Variants in ABCA12 observed in about 807,000 individuals in gnomAD.
ABCA12 encodes glucosylceramide transporter ABCA12.
ABCA12 carries 156 observed loss-of-function variants against 293.5 expected under a neutral mutation model. The ratio of observed to expected loss-of-function variants is 0.53; its 90% CI spans 0.47 to 0.61. The LOEUF (loss-of-function observed/expected upper bound fraction) is 0.61. ABCA12 is among the 20% of genes least tolerant of loss of function. The pLI, the probability that ABCA12 is intolerant of heterozygous loss-of-function variation, is 0.00. For missense variants in ABCA12, 2,797 were observed against 3,090.2 expected (o/e 0.91, Z 2.25); for synonymous variants, 1,063 against 1,108.0 (o/e 0.96, Z 0.81).
chr2:214,966,832 G>A lies in ABCA12; in HGVS notation c.5884+16C>T. The A allele has an allele frequency of 6.2e-7, 1 of 1,611,128 alleles. No homozygotes were observed. The highest frequency in any genetic ancestry group is 8.5e-7 in the Non-Finnish European group (1 of 1,177,406). ...AGAAGTTGCAATACAGGACACTTTT[G>A]TGTTAGTAACTTTACCATGTCGGGC... On this transcript the variant is annotated intron_variant, in intron 39 of 52. Transcript: ENST00000272895.
At chr2:214,945,846 A>G (rs1437207015) in intron 48 of ABCA12, among the ~76,000 whole-genome samples, 1 of 152,168 alleles carries the variant, frequency 6.6e-6, no homozygotes, top group Non-Finnish European at 1.5e-5. Flanking sequence ...AAATCTAAAG[A>G]AAGGAATGGG....
intron 19 of ABCA12, 63 bp from the exon 20 acceptor site, chr2:215,004,362 C>A: frequency 8.1e-7 from 1 of 1,239,144 alleles, no homozygotes; most frequent in Non-Finnish European, 1.2e-6. Context: ...CATTGTCTCT[C>A]TAATAACCAC....
rs1197917227 is a variant in ABCA12 at position 214,989,321 on chromosome 2, A to G, written c.3829+8T>C. 1.2e-6 allele frequency: 2 copies of G among 1,612,844 alleles called. No homozygotes were observed. Among genetic ancestry groups the G allele is most frequent in the Admixed American group, 1.7e-5 (1 of 59,864 alleles). ...AAAAGCATGTATCTGTAGGAAGCAC[A>G]TTCATACCTGGGAAGACATTCCTGA... On this transcript the variant is annotated splice_region_variant and intron_variant, in intron 26 of 52. Transcript: ENST00000272895.
chr2:215,132,598 T>C (rs558339677), intron 1 of ABCA12, among the ~76,000 whole-genome samples: 2 of 152,164 alleles, frequency 1.3e-5, no homozygotes, highest in East Asian at 3.9e-4. Flanking sequence ...ATATATCTTT[T>C]TCTACCTTTT....
At chr2:215,048,306 C>G (rs1189172820) in intron 6 of ABCA12, among the ~76,000 whole-genome samples, 1 of 152,024 alleles carries the variant, frequency 6.6e-6, no homozygotes, top group East Asian at 1.9e-4. Flanking sequence ...CCCAGTAATC[C>G]CATTACTGGG....
Position 215,010,386 on chromosome 2 carries a change from A to C in ABCA12, c.2417T>G (p.Leu806Trp), listed in dbSNP as rs147076551. 4.3e-6 allele frequency: 7 copies of C among 1,613,860 alleles called. No individual in the cohort carries two copies. The African/African-American group carries it at 6.7e-5, about 15-fold the overall frequency. The change falls in exon 18 of 53, where the codon TTG becomes TGG. Residue 806 changes from leucine to tryptophan, a missense_variant. Physicochemically the swap from Leu to Trp is moderately conservative, Grantham distance 61. Around this residue, in one of 3 missense-constraint regions of ABCA12, gnomAD observed 2,130 missense variants for 2,427.0 expected, o/e 0.88. Coordinates refer to ENST00000272895, the MANE Select transcript of ABCA12 (RefSeq NM_173076.3). ...ATATGGTGCATACAAAATTCTTCCC[A>C]ACAACATAGGTTTCAAGAAAGCCCA... is the stretch of plus-strand genomic sequence containing the variant. ...VIWAFLKPML[L>W]GRILYAPYNP...
At chr2:214,948,497 A>G in intron 47 of ABCA12, 99 bp downstream of exon 47, 1 of 1,312,926 alleles carries the variant, frequency 7.6e-7, no homozygotes, top group African/African-American at 1.5e-5. Context: ...TTTGAGGGGA[A>G]ATGGTGGGGC....
intron 37 of ABCA12, 83 bp from the exon 38 acceptor site, chr2:214,968,890 A>C: frequency 4.7e-6 from 6 of 1,268,646 alleles, no homozygotes; most frequent in Non-Finnish European, 6.9e-6. Flanking sequence ...CGAGGAGCTC[A>C]ACTTTTTGTT....
At chr2:214,942,244 C>T (rs1166453820) in intron 50 of ABCA12, among the ~76,000 whole-genome samples, 1 of 152,126 alleles carries the variant, frequency 6.6e-6, no homozygotes, top group Non-Finnish European at 1.5e-5. Flanking sequence ...AAAGAAGTCA[C>T]AACAGACTCT....
intron 23 of ABCA12, among the ~76,000 whole-genome samples, chr2:214,991,997 G>T (rs539284401): frequency 6.6e-6 from 1 of 152,074 alleles, no homozygotes; most frequent in South Asian, 2.1e-4. Context: ...AAACCTACAC[G>T]CTGTGCACAT....
intron 10 of ABCA12, among the ~76,000 whole-genome samples, chr2:215,026,288 C>CA (rs1018285824): frequency 7.3e-5 from 11 of 151,314 alleles, no homozygotes; most frequent in African/African-American, 1.7e-4. Flanking sequence ...TCTTTTCTCT[C>CA]AAAAAAAAGA....
intron 6 of ABCA12, among the ~76,000 whole-genome samples, chr2:215,047,212 A>G (rs1022557150): frequency 3.3e-5 from 5 of 152,218 alleles, no homozygotes; most frequent in Non-Finnish European, 5.9e-5. Flanking sequence ...TGTCCTACAC[A>G]TGTATCCTGG....
chr2:215,134,718 G>A (rs1421080440), intron 1 of ABCA12, among the ~76,000 whole-genome samples: 2 of 148,006 alleles, frequency 1.4e-5, no homozygotes, highest in African/African-American at 5.0e-5. Flanking sequence ...TTCAATCTAG[G>A]CTCACTGTAG....
At chr2:215,071,806 T>C (rs1701743111) in intron 2 of ABCA12, among the ~76,000 whole-genome samples, 1 of 152,220 alleles carries the variant, frequency 6.6e-6, no homozygotes, top group South Asian at 2.1e-4. Context: ...GGCTGTGGCT[T>C]CTCTGCTCGA....
intron 36 of ABCA12, among the ~76,000 whole-genome samples, chr2:214,972,333 G>A (rs1699403553): frequency 6.6e-6 from 1 of 152,094 alleles, no homozygotes; most frequent in Non-Finnish European, 1.5e-5. Context: ...TAAATAGTTG[G>A]AAATAGATTT....
chr2:215,108,012 G>A (rs1019285460), intron 2 of ABCA12, among the ~76,000 whole-genome samples: 1 of 152,170 alleles, frequency 6.6e-6, no homozygotes, highest in Non-Finnish European at 1.5e-5. Flanking sequence ...CATGAGTGCA[G>A]GATTCCAGAC....
intron 6 of ABCA12, among the ~76,000 whole-genome samples, chr2:215,047,170 T>A (rs184035828): frequency 9.8e-5 from 15 of 152,296 alleles, no homozygotes; most frequent in Non-Finnish European, 1.8e-4. Flanking sequence ...CAAACCACCA[T>A]GGCATACATT....
intron 47 of ABCA12, 60 bp downstream of exon 47, chr2:214,948,536 G>A (rs1311912913): frequency 1.9e-6 from 3 of 1,573,794 alleles, no homozygotes; most frequent in Admixed American, 3.4e-5. Context: ...GGTGGGGTGG[G>A]GGATGGAAGT....
At chr2:215,116,264 C>CA (rs907004802) in intron 1 of ABCA12, among the ~76,000 whole-genome samples, 135 of 151,388 alleles carry the variant, frequency 8.9e-4, no homozygotes, top group African/African-American at 2.7e-3. Flanking sequence ...CCTATTTTTC[C>CA]AAAAAAAATG....
Sources: gnomAD v4.1 joint callset for allele counts (sites outside exome capture counted in the v4.1 genomes callset) on GRCh38, gnomAD v4.1.1 for gene constraint, gnomAD v4.1.1 regional missense constraint, MANE v1.5 for transcripts, NCBI Gene and HGNC (gene_info 2026-07-23, HGNC 2026-07-21) for gene names.